RBFOX1: variants seen among roughly 807,000 people sequenced by gnomAD.
RBFOX1 encodes the protein RNA binding fox-1 homolog 1.
RBFOX1 carries 8 observed loss-of-function variants against 57.7 expected under a neutral mutation model. That is an observed-to-expected ratio of 0.14 (90% CI 0.08 to 0.25). RBFOX1 has a LOEUF of 0.25. RBFOX1 is among the 10% of genes least tolerant of loss of function. The pLI is 1.00. For missense variants in RBFOX1, 611 were observed against 548.5 expected (o/e 1.11, Z -1.14); for synonymous variants, 326 against 222.4 (o/e 1.47, Z -4.15).
chr16:5,740,301 G>A (rs1262010744), intron 3 of RBFOX1, among the ~76,000 whole-genome samples: 1 of 152,174 alleles, frequency 6.6e-6, no homozygotes, highest in Admixed American at 6.5e-5. Flanking sequence ...AACACTGTGT[G>A]ATTGCCTGAG....
At chr16:5,395,220 C>G (rs1408447199) in intron 1 of RBFOX1, among the ~76,000 whole-genome samples, 2 of 152,270 alleles carry the variant, frequency 1.3e-5, no homozygotes, top group Non-Finnish European at 2.9e-5. Flanking sequence ...CTGTGCATCT[C>G]TTCTCCATCT....
intron 3 of RBFOX1, among the ~76,000 whole-genome samples, chr16:5,667,927 T>C (rs1456648925): frequency 6.6e-6 from 1 of 152,192 alleles, no homozygotes; most frequent in African/African-American, 2.4e-5. Flanking sequence ...CTGAGAGATC[T>C]ACCTGTAGAC....
chr16:6,921,642 TA>T (rs775063191), intron 3 of RBFOX1, among the ~76,000 whole-genome samples: 1,218 of 18,400 alleles, frequency 0.066, 13 homozygotes, highest in East Asian at 0.18. Context: ...TATATATATA[TA>T]TATTTTTTTT....
intron 3 of RBFOX1, among the ~76,000 whole-genome samples, chr16:6,674,999 A>G (rs769154882): frequency 1.3e-5 from 2 of 151,952 alleles, no homozygotes; most frequent in Non-Finnish European, 2.9e-5. Flanking sequence ...TCTGCCTCCC[A>G]GGTTCAAGCC....
chr16:6,249,485 C>G (rs891445109), intron 1 of RBFOX1, among the ~76,000 whole-genome samples: 1 of 152,124 alleles, frequency 6.6e-6, no homozygotes, highest in African/African-American at 2.4e-5. Context: ...GATCGTGCCA[C>G]TGCACTCCAG....
chr16:7,282,317 T>C (rs1266035032), intron 4 of RBFOX1, among the ~76,000 whole-genome samples: 1 of 152,230 alleles, frequency 6.6e-6, no homozygotes, highest in Non-Finnish European at 1.5e-5. Flanking sequence ...CACAGTTACT[T>C]GTTCACCCCC....
intron 4 of RBFOX1, among the ~76,000 whole-genome samples, chr16:7,162,385 T>C (rs2078509676): frequency 6.6e-6 from 1 of 152,060 alleles, no homozygotes. Flanking sequence ...TCTATAAATA[T>C]AATTTAGCAA....
intron 4 of RBFOX1, among the ~76,000 whole-genome samples, chr16:7,338,436 C>T (rs192527068): frequency 6.6e-6 from 1 of 152,192 alleles, no homozygotes; most frequent in Non-Finnish European, 1.5e-5. Context: ...CACTCTGTCA[C>T]TCAGACTGGA....
chr16:5,904,413 T>C (rs1018043769), intron 4 of RBFOX1, among the ~76,000 whole-genome samples: 6 of 151,984 alleles, frequency 3.9e-5, no homozygotes, highest in African/African-American at 7.2e-5. Context: ...CAGGGCATTA[T>C]ATATTTTTCA....
At chr16:6,930,732 G>T (rs150837471) in intron 3 of RBFOX1, among the ~76,000 whole-genome samples, 2 of 152,062 alleles carry the variant, frequency 1.3e-5, no homozygotes, top group Non-Finnish European at 2.9e-5. Context: ...TTTAAAATGG[G>T]TTTAACATCT....
chr16:6,628,349 A>G (rs1346740712), intron 2 of RBFOX1, among the ~76,000 whole-genome samples: 1 of 152,226 alleles, frequency 6.6e-6, no homozygotes, highest in African/African-American at 2.4e-5. Flanking sequence ...ATGTCCCAAC[A>G]GCAGGATGTG....
Position 7,438,469 on chromosome 16 carries a change from G to A in RBFOX1, c.28-79678G>A, listed in dbSNP as rs550474806. Among the ~76,000 whole-genome samples the A allele has an allele frequency of 2.6e-5, 4 of 152,140 alleles. No homozygotes were observed. In the East Asian group the frequency reaches 5.8e-4, roughly 22 times the overall value. On this transcript the variant is annotated intron_variant, in intron 4 of 15. Transcript: ENST00000550418. ...AAGAAGGTAATCAAGGAGAGATGGC[G>A]GGACAATAACTGCTCTGGGGATCAG...
At chr16:7,151,480 C>T (rs984873493) in intron 4 of RBFOX1, among the ~76,000 whole-genome samples, 2 of 152,162 alleles carry the variant, frequency 1.3e-5, no homozygotes, top group Non-Finnish European at 2.9e-5. Flanking sequence ...GTGCTGACTT[C>T]ATTCTGGAGC....
At chr16:6,469,402 T>C (rs1057176595) in intron 2 of RBFOX1, among the ~76,000 whole-genome samples, 3 of 152,160 alleles carry the variant, frequency 2.0e-5, no homozygotes, top group African/African-American at 7.2e-5. Context: ...GAGACCCACA[T>C]AGACAAGTTT....
Position 7,497,701 on chromosome 16 carries a change from A to G in RBFOX1, c.28-20446A>G, listed in dbSNP as rs1170071157. Among the ~76,000 whole-genome samples the G allele has an allele frequency of 3.3e-5, 5 of 152,364 alleles. No individual in the cohort carries two copies. In the South Asian group the frequency reaches 6.2e-4, roughly 19 times the overall value. On this transcript the variant is annotated intron_variant, in intron 4 of 15. Transcript: ENST00000550418. ...TTTCGAATGAATTAATGAATGCAAG[A>G]TATCCTTCCATGTGTCACTGAGACT...
chr16:5,410,763 C>G (rs979195705), intron 1 of RBFOX1, among the ~76,000 whole-genome samples: 7 of 141,580 alleles, frequency 4.9e-5, no homozygotes, highest in African/African-American at 1.9e-4. Flanking sequence ...GTTTACAATG[C>G]CCTGTCCTCT....
chr16:6,089,573 G>A (rs1478170001), intron 1 of RBFOX1, among the ~76,000 whole-genome samples: 1 of 152,170 alleles, frequency 6.6e-6, no homozygotes, highest in Non-Finnish European at 1.5e-5. Context: ...GCAGAGTGAT[G>A]CAATGCATTT....
intron 3 of RBFOX1, among the ~76,000 whole-genome samples, chr16:5,834,687 G>GTAGATAGGTAGA (rs1555541441): frequency 7.4e-5 from 10 of 134,802 alleles, no homozygotes; most frequent in African/African-American, 2.9e-4. Flanking sequence ...AATGGGATAG[G>GTAGATAGGTAGA]TAGATAGATA....
At chr16:5,715,679 A>G (rs559975741) in intron 3 of RBFOX1, among the ~76,000 whole-genome samples, 2 of 152,236 alleles carry the variant, frequency 1.3e-5, no homozygotes, top group Non-Finnish European at 2.9e-5. Context: ...TGCCTTCTCC[A>G]TGATGAGTTT....
Sources: allele counts gnomAD v4.1 joint callset (sites outside exome capture counted in the v4.1 genomes callset), GRCh38; gene constraint gnomAD v4.1.1; transcripts MANE v1.5; gene names NCBI Gene and HGNC (gene_info 2026-07-23, HGNC 2026-07-21).